GRM8: variants seen among roughly 807,000 people sequenced by gnomAD.
GRM8 encodes the protein glutamate metabotropic receptor 8, also known as metabotropic glutamate receptor 8.
GRM8 carries 47 observed loss-of-function variants against 87.2 expected under a neutral mutation model. The observed-to-expected ratio is 0.54, with a 90% confidence interval of 0.43 to 0.69. The LOEUF is 0.69. Among genes scored for constraint, GRM8 ranks in the 30% least tolerant of loss-of-function variants. GRM8 has a pLI of 0.00. For synonymous variants in GRM8, 396 were observed against 404.5 expected, an observed-to-expected ratio of 0.98 and a Z score of 0.25; for missense variants, 1,019 against 1,139.2, an observed-to-expected ratio of 0.89 and a Z score of 1.52.
chr7:126,646,179 G>A (rs1803027767), intron 7 of GRM8, among the ~76,000 whole-genome samples: 3 of 151,948 alleles, frequency 2.0e-5, no homozygotes. Context: ...TTCAAATGCA[G>A]ATTGGTTTAC....
chr7:126,810,560 A>G (rs181464995), intron 6 of GRM8, among the ~76,000 whole-genome samples: 7 of 152,258 alleles, frequency 4.6e-5, no homozygotes, highest in Non-Finnish European at 5.9e-5. Context: ...CACAGTACAG[A>G]CATTACTACT....
At chr7:127,189,208 T>C (rs1465472965) in intron 2 of GRM8, among the ~76,000 whole-genome samples, 1 of 152,154 alleles carries the variant, frequency 6.6e-6, no homozygotes, top group Non-Finnish European at 1.5e-5. Context: ...TCATTACAAA[T>C]GTGTTTGTGT....
chr7:126,488,836 T>C (rs554378618), intron 9 of GRM8, among the ~76,000 whole-genome samples: 1 of 152,000 alleles, frequency 6.6e-6, no homozygotes. Context: ...TGATAATATC[T>C]TGAATTTTAT....
chr7:126,627,092 C>A (rs1800781146), intron 7 of GRM8, among the ~76,000 whole-genome samples: 2 of 152,084 alleles, frequency 1.3e-5, no homozygotes, highest in Admixed American at 6.6e-5. Context: ...TACATTTATT[C>A]CTAGATAATA....
At chr7:126,970,098 T>C (rs1351102061) in intron 3 of GRM8, among the ~76,000 whole-genome samples, 2 of 152,180 alleles carry the variant, frequency 1.3e-5, no homozygotes, top group Admixed American at 1.3e-4. Context: ...ATTCTAATTA[T>C]AGGGCATAAG....
chr7:126,921,039 T>C (rs1041398112), intron 3 of GRM8, among the ~76,000 whole-genome samples: 1 of 152,098 alleles, frequency 6.6e-6, no homozygotes, highest in Non-Finnish European at 1.5e-5. Flanking sequence ...ACCTCACTCT[T>C]AATATCACAG....
chr7:127,027,276 C>G (rs1816883810), intron 3 of GRM8, among the ~76,000 whole-genome samples: 1 of 152,160 alleles, frequency 6.6e-6, no homozygotes. Context: ...CGTGATGCCT[C>G]CAGCTTTGTT....
At chr7:126,926,120 G>T (rs1563322837) in intron 3 of GRM8, among the ~76,000 whole-genome samples, 1 of 152,058 alleles carries the variant, frequency 6.6e-6, no homozygotes, top group Non-Finnish European at 1.5e-5. Context: ...GTAATATATG[G>T]AAAATGATAT....
intron 6 of GRM8, among the ~76,000 whole-genome samples, chr7:126,795,703 T>C (rs1034240567): frequency 7.2e-5 from 11 of 152,120 alleles, no homozygotes; most frequent in Non-Finnish European, 8.8e-5. Context: ...TAGGAGCCTT[T>C]AGACATTATC....
intron 7 of GRM8, among the ~76,000 whole-genome samples, chr7:126,620,393 C>T (rs1799998776): frequency 6.6e-6 from 1 of 152,212 alleles, no homozygotes; most frequent in Admixed American, 6.5e-5. Context: ...AGATGTCACA[C>T]ATCTCCTTGA....
chr7:127,190,814 T>C (rs545310428), intron 2 of GRM8, among the ~76,000 whole-genome samples: 1 of 152,326 alleles, frequency 6.6e-6, no homozygotes, highest in African/African-American at 2.4e-5. Flanking sequence ...TTTTAACTCA[T>C]TCTTATTGTC....
chr7:126,842,302 T>C (rs1344846297), intron 6 of GRM8, among the ~76,000 whole-genome samples: 1 of 152,184 alleles, frequency 6.6e-6, no homozygotes, highest in Non-Finnish European at 1.5e-5. Context: ...CAGATGAGTC[T>C]TTATAGTTTC....
intron 7 of GRM8, among the ~76,000 whole-genome samples, chr7:126,752,738 TTCTG>T (rs1319803676): frequency 6.6e-6 from 1 of 152,118 alleles, no homozygotes; most frequent in Non-Finnish European, 1.5e-5. Flanking sequence ...CAAATCTCTT[TTCTG>T]TCTAAAAGTT....
intron 8 of GRM8, among the ~76,000 whole-genome samples, chr7:126,591,122 C>T (rs1264124762): frequency 1.3e-5 from 2 of 151,988 alleles, no homozygotes; most frequent in Non-Finnish European, 2.9e-5. Flanking sequence ...GTATCTGCTG[C>T]CTTCAAGAGA....
At chr7:127,216,195 C>G (rs937860804) in intron 2 of GRM8, among the ~76,000 whole-genome samples, 1 of 152,060 alleles carries the variant, frequency 6.6e-6, no homozygotes, top group African/African-American at 2.4e-5. Flanking sequence ...GCAAATTGAT[C>G]AATAAGTAGA....
At chr7:126,607,458 C>G (rs1056090838) in intron 8 of GRM8, among the ~76,000 whole-genome samples, 1 of 150,724 alleles carries the variant, frequency 6.6e-6, no homozygotes, top group African/African-American at 2.4e-5. Flanking sequence ...AAATACAAAA[C>G]AAAAAAAAAT....
intron 3 of GRM8, among the ~76,000 whole-genome samples, chr7:126,990,500 G>A (rs1812553020): frequency 6.6e-6 from 1 of 152,174 alleles, no homozygotes; most frequent in Admixed American, 6.5e-5. Flanking sequence ...GATTAAACAG[G>A]ATTATTAAGC....
At chr7:126,455,785 A>G (rs1160092471) in intron 9 of GRM8, among the ~76,000 whole-genome samples, 1 of 151,732 alleles carries the variant, frequency 6.6e-6, no homozygotes. Context: ...TTCCACCTCT[A>G]TAGCACCAGA....
rs148463156 is a variant in GRM8, at chr7:126,832,134, T to C, written c.1157-62069A>G. On this transcript the variant is annotated intron_variant, in intron 6 of 10. Coordinates refer to ENST00000339582, the MANE Select transcript of GRM8 (RefSeq NM_000845.3). ...AGAATCATGACTAGAACTCAGATCA[T>C]TGTCCAAGAGTTAGTACGCAACATA... Among the ~76,000 whole-genome samples the C allele has an allele frequency of 2.1e-3, 322 of 150,938 alleles. 2 individuals carry two copies. The highest frequency in any genetic ancestry group is 7.5e-3 in the African/African-American group (309 of 41,000).
Sources: gnomAD v4.1 joint callset for allele counts (sites outside exome capture counted in the v4.1 genomes callset) on GRCh38, gnomAD v4.1.1 for gene constraint, MANE v1.5 for transcripts, NCBI Gene and HGNC (gene_info 2026-07-23, HGNC 2026-07-21) for gene names.